ANKRD36C: variants seen among roughly 807,000 people sequenced by gnomAD.
The protein encoded by ANKRD36C is ankyrin repeat domain 36C.
A neutral mutation model predicts 276.4 loss-of-function variants in ANKRD36C; 61 were observed. The observed-to-expected ratio is 0.22, with a 90% CI of 0.18 to 0.27. ANKRD36C has a LOEUF of 0.27. Among genes scored for constraint, ANKRD36C ranks in the 10% least tolerant of loss-of-function variants. The probability of loss-of-function intolerance (pLI) is 1.00; values close to 1 mark genes in which losing one functional copy is unlikely to be tolerated. For synonymous variants in ANKRD36C, 483 were observed against 680.1 expected, an observed-to-expected ratio of 0.71 and a Z score of 4.51; for missense variants, 1,447 against 2,032.3, an observed-to-expected ratio of 0.71 and a Z score of 5.54.
At chr2:95,930,168 C>T (rs1260140520) in intron 24 of ANKRD36C, among the ~76,000 whole-genome samples, 1 of 151,578 alleles carries the variant, frequency 6.6e-6, no homozygotes, top group African/African-American at 2.4e-5. Context: ...TATTAAGTTG[C>T]TATTTTATCC....
At chr2:95,902,592 A>T (rs910093644) in intron 42 of ANKRD36C, among the ~76,000 whole-genome samples, 2 of 150,176 alleles carry the variant, frequency 1.3e-5, no homozygotes, top group Non-Finnish European at 3.0e-5. Context: ...TACTGAAAAC[A>T]AGCTGGAGAA....
downstream of ANKRD36C, among the ~76,000 whole-genome samples, chr2:95,849,581 C>G (rs930690921): frequency 4.6e-5 from 7 of 152,112 alleles, no homozygotes; most frequent in Admixed American, 4.6e-4. Context: ...CCTATTATTA[C>G]TACATTGTAA....
At chr2:95,985,393 T>A (rs1295336367) in intron 3 of ANKRD36C, among the ~76,000 whole-genome samples, 1 of 152,220 alleles carries the variant, frequency 6.6e-6, no homozygotes, top group East Asian at 1.9e-4. Flanking sequence ...CACTTATCTA[T>A]TCAGTGGTTC....
chr2:95,855,736 G>A (rs200108004), exon 63 of ANKRD36C: 3 of 1,613,574 alleles, frequency 1.9e-6, no homozygotes, highest in East Asian at 2.2e-5. Context: ...ATCAGAACAT[G>A]AGAATTCAAA....
chr2:95,961,547 A>T (rs1300291027), intron 8 of ANKRD36C, among the ~76,000 whole-genome samples: 1 of 152,110 alleles, frequency 6.6e-6, no homozygotes, highest in African/African-American at 2.4e-5. Flanking sequence ...GGATCATGTT[A>T]TTCTCTAAAG....
intron 1 of ANKRD36C, among the ~76,000 whole-genome samples, chr2:95,990,480 GA>G (rs1350464071): frequency 1.3e-5 from 2 of 152,104 alleles, no homozygotes; most frequent in East Asian, 3.9e-4. Flanking sequence ...ATAACTTGTG[GA>G]AATTAACAGC....
chr2:95,888,738 T>A (rs1467548774), intron 48 of ANKRD36C, among the ~76,000 whole-genome samples: 1 of 151,666 alleles, frequency 6.6e-6, no homozygotes, highest in Non-Finnish European at 1.5e-5. Flanking sequence ...TTGTATCCAC[T>A]CGTTTAGCCT....
intron 52 of ANKRD36C, among the ~76,000 whole-genome samples, chr2:95,884,621 CT>C (rs1031460412): frequency 6.6e-6 from 1 of 152,022 alleles, no homozygotes; most frequent in Non-Finnish European, 1.5e-5. Flanking sequence ...AAATAAAACC[CT>C]GTCAATGTCA....
At chr2:95,951,355 T>A (rs1163074519) in exon 15 of ANKRD36C, 3 of 1,495,536 alleles carry the variant, frequency 2.0e-6, no homozygotes, top group Non-Finnish European at 2.7e-6. Context: ...TACCATCTTC[T>A]ATAGATCGTG....
intron 34 of ANKRD36C, among the ~76,000 whole-genome samples, chr2:95,921,388 C>A (rs1374293619): frequency 6.6e-6 from 1 of 151,440 alleles, no homozygotes; most frequent in Non-Finnish European, 1.5e-5. Context: ...CCAATTTCAA[C>A]GTGGGGAAGT....
chr2:95,861,108 A>G (rs1299520222), intron 60 of ANKRD36C, among the ~76,000 whole-genome samples: 7 of 152,236 alleles, frequency 4.6e-5, no homozygotes, highest in African/African-American at 1.4e-4. Flanking sequence ...AATTACCCCA[A>G]ATCTAAAAGC....
At chr2:95,878,508 C>T (rs191939783) in intron 58 of ANKRD36C, among the ~76,000 whole-genome samples, 16 of 152,170 alleles carry the variant, frequency 1.1e-4, no homozygotes, top group Admixed American at 6.5e-4. Flanking sequence ...ATCAACACTT[C>T]TATATAACTC....
chr2:95,908,108 C>T (rs947371523), intron 42 of ANKRD36C, among the ~76,000 whole-genome samples: 49 of 150,694 alleles, frequency 3.3e-4, no homozygotes, highest in Admixed American at 1.8e-3. Context: ...ACAGTGTCTA[C>T]GGGTTGTTAC....
chr2:95,855,888 T>C, exon 63 of ANKRD36C: 1 of 1,613,904 alleles, frequency 6.2e-7, no homozygotes, highest in Non-Finnish European at 8.5e-7. Context: ...TTCCAGTCTT[T>C]GCCCGCTCTC....
intron 3 of ANKRD36C, among the ~76,000 whole-genome samples, chr2:95,983,542 G>C (rs1400775454): frequency 6.6e-6 from 1 of 151,628 alleles, no homozygotes; most frequent in Non-Finnish European, 1.5e-5. Context: ...TGACTTATAT[G>C]TATTATTTAT....
chr2:95,850,176 T>A (rs1390478630), downstream of ANKRD36C, among the ~76,000 whole-genome samples: 1 of 152,300 alleles, frequency 6.6e-6, no homozygotes, highest in South Asian at 2.1e-4. Context: ...TCATGGCAGT[T>A]AAGTATCAGA....
intron 44 of ANKRD36C, among the ~76,000 whole-genome samples, chr2:95,892,238 C>G (rs1254985356): frequency 6.6e-6 from 1 of 151,472 alleles, no homozygotes; most frequent in Admixed American, 6.6e-5. Context: ...GTCTTTCATG[C>G]AACAAATCAA....
chr2:95,856,261 C>T (rs1456070185), intron 62 of ANKRD36C, 81 bp from the exon 83 acceptor site: 51 of 1,584,002 alleles, frequency 3.2e-5, no homozygotes, highest in Admixed American at 5.7e-5. Context: ...AATAATAACC[C>T]GAACATTTAT....
chr2:95,892,194 T>A (rs2104353118), intron 44 of ANKRD36C, among the ~76,000 whole-genome samples: 1 of 151,634 alleles, frequency 6.6e-6, no homozygotes, highest in East Asian at 2.0e-4. Flanking sequence ...CACGTGAGAA[T>A]AAATGTCAAA....
Sources: allele counts gnomAD v4.1 joint callset (sites outside exome capture counted in the v4.1 genomes callset), GRCh38; gene constraint gnomAD v4.1.1; transcripts MANE v1.5; gene names NCBI Gene and HGNC (gene_info 2026-07-23, HGNC 2026-07-21).